LINGO2: variants seen among roughly 807,000 people sequenced by gnomAD.
LINGO2 encodes leucine-rich repeat and immunoglobulin-like domain-containing nogo receptor-interacting protein 2.
In LINGO2, 14 loss-of-function variants were observed where a neutral mutation model predicts 30.6. The ratio of observed to expected loss-of-function variants is 0.46; its 90% CI spans 0.30 to 0.72. The LOEUF (loss-of-function observed/expected upper bound fraction) is 0.72, where lower values mean the gene tolerates loss of function less well. LINGO2 is among the 30% of genes least tolerant of loss of function. The probability of loss-of-function intolerance (pLI) is 0.07; values close to 1 mark genes in which losing one functional copy is unlikely to be tolerated. For synonymous variants in LINGO2, 317 were observed against 288.5 expected (o/e 1.10, Z -1.00); for missense variants, 729 against 751.7 (o/e 0.97, Z 0.35).
the LINGO2 span, among the ~76,000 whole-genome samples, chr9:28,988,885 T>A: frequency 2.1e-4 from 32 of 152,184 alleles, no homozygotes; most frequent in African/African-American, 7.7e-4. Context: ...GTGTTTCAGG[T>A]TTTTTTCTAA....
chr9:28,448,439 C>G (rs1024975073), intron 2 of LINGO2, among the ~76,000 whole-genome samples: 1 of 152,042 alleles, frequency 6.6e-6, no homozygotes, highest in Non-Finnish European at 1.5e-5. Context: ...TGAACTCTTA[C>G]TGATAAGACA....
the LINGO2 span, among the ~76,000 whole-genome samples, chr9:28,756,603 C>T: frequency 6.6e-6 from 1 of 151,856 alleles, no homozygotes; most frequent in Non-Finnish European, 1.5e-5. Context: ...TTGTAATCCC[C>T]ATGATCCCCA....
At chr9:28,722,405 A>C in the LINGO2 span, among the ~76,000 whole-genome samples, 1 of 152,128 alleles carries the variant, frequency 6.6e-6, no homozygotes, top group African/African-American at 2.4e-5. Context: ...GGAAAAGTTC[A>C]TTTTATACTG....
rs1039789468 is a variant in LINGO2 at position 28,146,676 on chromosome 9, C to A, written c.-86-134271G>T. On this transcript the variant is annotated intron_variant, in intron 4 of 5. Coordinates refer to ENST00000379992, the Ensembl canonical transcript of LINGO2. ...GGTTTTTCATACATGTTTCCCTAGTCCAGACACCCAAGAGTATGTCCCTCT... is the reference window on the plus strand; with the variant it reads ...GGTTTTTCATACATGTTTCCCTAGTACAGACACCCAAGAGTATGTCCCTCT... 3.6e-4 allele frequency among the ~76,000 whole-genome samples: 55 copies of A among 151,992 alleles called. 1 individual carries two copies. Among genetic ancestry groups the A allele is most frequent in the Non-Finnish European group, 7.4e-5 (5 of 68,004 alleles).
At chr9:28,519,282 G>A (rs532242334) in intron 1 of LINGO2, among the ~76,000 whole-genome samples, 2 of 152,044 alleles carry the variant, frequency 1.3e-5, no homozygotes, top group Non-Finnish European at 1.5e-5. Flanking sequence ...GTGATCCCCG[G>A]CCTCTGACTC....
At chr9:28,218,823 C>T (rs1820859968) in intron 4 of LINGO2, among the ~76,000 whole-genome samples, 1 of 152,138 alleles carries the variant, frequency 6.6e-6, no homozygotes, top group African/African-American at 2.4e-5. Context: ...TCACTATTCC[C>T]TGCCTGGAAT....
chr9:29,046,451 C>T, the LINGO2 span, among the ~76,000 whole-genome samples: 1 of 152,104 alleles, frequency 6.6e-6, no homozygotes, highest in Non-Finnish European at 1.5e-5. Flanking sequence ...GGCTGCACAT[C>T]TACGACCATC....
At chr9:28,003,374 GA>G (rs1563901842) in intron 5 of LINGO2, among the ~76,000 whole-genome samples, 5 of 145,160 alleles carry the variant, frequency 3.4e-5, no homozygotes, top group African/African-American at 1.3e-4. Flanking sequence ...TAGATAGATA[GA>G]TAGATAGATA....
At chr9:28,160,830 GGCTCCATATCTCAATTTATTA>G (rs1348177790) in intron 4 of LINGO2, among the ~76,000 whole-genome samples, 3 of 152,100 alleles carry the variant, frequency 2.0e-5, no homozygotes, top group African/African-American at 7.2e-5. Context: ...TCTGCCTCTT[GGCTCCATATCTCAATTTATTA>G]GCTCCATATC....
the LINGO2 span, among the ~76,000 whole-genome samples, chr9:28,776,127 A>AG: frequency 1.3e-5 from 2 of 152,228 alleles, no homozygotes; most frequent in African/African-American, 4.8e-5. Flanking sequence ...TTTTGTTATA[A>AG]GTCAAAATCT....
At chr9:28,820,465 T>C in the LINGO2 span, among the ~76,000 whole-genome samples, 6 of 152,198 alleles carry the variant, frequency 3.9e-5, no homozygotes, top group Admixed American at 3.9e-4. Context: ...CAACATGTCA[T>C]GTAATCCCAT....
At chr9:28,027,226 G>T (rs913010504) in intron 4 of LINGO2, among the ~76,000 whole-genome samples, 3 of 152,068 alleles carry the variant, frequency 2.0e-5, no homozygotes, top group African/African-American at 7.2e-5. Flanking sequence ...TACACATATC[G>T]ATGTATTTAT....
At chr9:29,143,665 T>C in the LINGO2 span, among the ~76,000 whole-genome samples, 186 of 152,156 alleles carry the variant, frequency 1.2e-3, no homozygotes, top group African/African-American at 4.3e-3. Context: ...TCAAAATGGA[T>C]TAAAGACTTT....
chr9:28,261,049 C>A (rs1822547514), intron 4 of LINGO2, among the ~76,000 whole-genome samples: 1 of 151,910 alleles, frequency 6.6e-6, no homozygotes, highest in Non-Finnish European at 1.5e-5. Flanking sequence ...CTGAAACTGA[C>A]TATTCCTTAA....
At chr9:27,978,929 T>C (rs1241674518) in intron 5 of LINGO2, among the ~76,000 whole-genome samples, 1 of 152,064 alleles carries the variant, frequency 6.6e-6, no homozygotes, top group African/African-American at 2.4e-5. Flanking sequence ...TTTACATATA[T>C]TGTCTAACAA....
chr9:28,295,254 A>G (rs554041497), exon 4 of LINGO2: 1 of 152,644 alleles, frequency 6.6e-6, no homozygotes, highest in South Asian at 2.1e-4. Context: ...CTCCCACACA[A>G]AGCTCTTGGC....
At chr9:28,673,573 A>G (rs111706971), upstream of LINGO2, among the ~76,000 whole-genome samples, 15 of 152,014 alleles carry the variant, frequency 9.9e-5, no homozygotes, top group African/African-American at 3.6e-4. Context: ...AGGCTGAGGT[A>G]GAAGAATCGC....
At chr9:28,519,026 G>C (rs1239679410) in intron 1 of LINGO2, among the ~76,000 whole-genome samples, 2 of 151,838 alleles carry the variant, frequency 1.3e-5, no homozygotes, top group Non-Finnish European at 2.9e-5. Context: ...GTTTGTTGTT[G>C]TTTTGTTTGT....
intron 1 of LINGO2, among the ~76,000 whole-genome samples, chr9:28,582,775 T>A (rs1563841551): frequency 6.6e-6 from 1 of 152,108 alleles, no homozygotes; most frequent in Non-Finnish European, 1.5e-5. Flanking sequence ...AAGTTTGCAT[T>A]AGCTGTCAAG....
Sources: allele counts gnomAD v4.1 joint callset (sites outside exome capture counted in the v4.1 genomes callset), GRCh38; gene constraint gnomAD v4.1.1; transcripts MANE v1.5; gene names NCBI Gene and HGNC (gene_info 2026-07-23, HGNC 2026-07-21).